NBPF8: variants seen among roughly 807,000 people sequenced by gnomAD.
The protein encoded by NBPF8 is NBPF family member NBPF8.
At chr1:120,451,925 CT>C in intron 12 of NBPF8, among the ~76,000 whole-genome samples, 191 bp from the exon 11 acceptor site, 1 of 151,896 alleles carries the variant, frequency 6.6e-6, no homozygotes, top group East Asian at 1.9e-4. Context: ...TGCAAGAGCT[CT>C]CTGTGATACA....
chr1:120,415,535 G>T (rs1224559067), upstream of NBPF8, among the ~76,000 whole-genome samples: 2 of 152,294 alleles, frequency 1.3e-5, no homozygotes, highest in East Asian at 1.9e-4. Flanking sequence ...GGCATCCCAG[G>T]GGGTGGAGGG....
At chr1:120,418,582 G>A (rs1193201389), upstream of NBPF8, among the ~76,000 whole-genome samples, 5 of 149,488 alleles carry the variant, frequency 3.3e-5, no homozygotes, top group Non-Finnish European at 5.9e-5. Context: ...ACAGTGTCTC[G>A]CTCTGTTGCC....
chr1:120,455,848 T>G (rs1661421599), intron 16 of NBPF8, among the ~76,000 whole-genome samples: 1 of 152,094 alleles, frequency 6.6e-6, no homozygotes, highest in Non-Finnish European at 1.5e-5. Context: ...CTCGTTATTT[T>G]AATTGTGATG....
chr1:120,427,100 G>A (rs1341499669), intron 2 of NBPF8, among the ~76,000 whole-genome samples: 2 of 126,274 alleles, frequency 1.6e-5, no homozygotes, highest in African/African-American at 7.1e-5. Flanking sequence ...ATGTTGTTTT[G>A]TGTGTCAAAA....
At chr1:120,459,705 G>T (rs1456007359) in intron 17 of NBPF8, among the ~76,000 whole-genome samples, 175 bp downstream of exon 15, 3 of 152,010 alleles carry the variant, frequency 2.0e-5, no homozygotes, top group African/African-American at 7.2e-5. Flanking sequence ...CAGGCATGGG[G>T]TGGGTCAGTG....
chr1:120,415,173 G>A (rs1411241366), upstream of NBPF8, among the ~76,000 whole-genome samples: 1 of 152,190 alleles, frequency 6.6e-6, no homozygotes, highest in Non-Finnish European at 1.5e-5. Flanking sequence ...GGGAACGCGG[G>A]ACGGGCGACC....
upstream of NBPF8, among the ~76,000 whole-genome samples, chr1:120,418,932 T>A (rs1660498645): frequency 6.6e-6 from 1 of 151,842 alleles, no homozygotes; most frequent in Admixed American, 6.6e-5. Flanking sequence ...AATATAGTAT[T>A]CATTGTTGTT....
intron 3 of NBPF8, among the ~76,000 whole-genome samples, 67 bp downstream of exon 3, chr1:120,427,914 G>A (rs1245730711): frequency 6.6e-6 from 1 of 151,500 alleles, no homozygotes; most frequent in Admixed American, 6.6e-5. Flanking sequence ...GCAGAGATGG[G>A]TCCTTTATTT....
chr1:120,427,078 T>A (rs1660747305), intron 2 of NBPF8, among the ~76,000 whole-genome samples: 1 of 122,878 alleles, frequency 8.1e-6, no homozygotes, highest in Non-Finnish European at 1.7e-5. Context: ...AAAATGTTTT[T>A]GAGATTCATC....
intron 11 of NBPF8, among the ~76,000 whole-genome samples, chr1:120,449,999 C>T (rs1553248562): frequency 2.5e-4 from 38 of 151,974 alleles, no homozygotes; most frequent in African/African-American, 3.6e-4. Context: ...GAGGCTGAGG[C>T]GGGCAGATCA....
chr1:120,453,067 C>CTG (rs1293779852), intron 13 of NBPF8, among the ~76,000 whole-genome samples: 2 of 147,134 alleles, frequency 1.4e-5, no homozygotes, highest in Non-Finnish European at 3.0e-5. Flanking sequence ...GGAATCAGAT[C>CTG]TGGCAGGATG....
At chr1:120,456,471 A>T (rs1177170964) in intron 16 of NBPF8, among the ~76,000 whole-genome samples, 1 of 125,774 alleles carries the variant, frequency 8.0e-6, no homozygotes. Flanking sequence ...ATATATATTT[A>T]GGATAGTTAA....
At chr1:120,454,055 C>A (rs1553249371) in exon 15 of NBPF8, 26 of 1,613,200 alleles carry the variant, frequency 1.6e-5, no homozygotes, top group Non-Finnish European at 2.1e-5. Flanking sequence ...AAAGTCGACT[C>A]AGCTCTCATT....
upstream of NBPF8, among the ~76,000 whole-genome samples, chr1:120,418,460 G>A (rs1231343333): frequency 0.03 from 4,210 of 139,610 alleles, 257 homozygotes; most frequent in African/African-American, 0.11. Flanking sequence ...TTTATGGATC[G>A]TACCTAAATA....
intron 2 of NBPF8, among the ~76,000 whole-genome samples, chr1:120,426,806 G>A (rs1490637128): frequency 0.1 from 15,825 of 151,942 alleles, 1,125 homozygotes; most frequent in Middle Eastern, 0.19. Flanking sequence ...TGAAATGATG[G>A]GACAGACATA....
upstream of NBPF8, among the ~76,000 whole-genome samples, chr1:120,419,284 G>A (rs1158240383): frequency 2.0e-5 from 3 of 152,152 alleles, no homozygotes; most frequent in Non-Finnish European, 4.4e-5. Flanking sequence ...ATAACCTAGC[G>A]AAAGCTCAGC....
chr1:120,415,440 T>G (rs1345111996), upstream of NBPF8, among the ~76,000 whole-genome samples: 1 of 152,096 alleles, frequency 6.6e-6, no homozygotes, highest in Non-Finnish European at 1.5e-5. Context: ...TTAAGTTCCA[T>G]GCGTTCGATT....
chr1:120,469,383 C>G, downstream of NBPF8, among the ~76,000 whole-genome samples: 1 of 141,436 alleles, frequency 7.1e-6, no homozygotes, highest in Middle Eastern at 3.4e-3. Context: ...ATCTGCTTCA[C>G]TTAGTCTGCC....
At chr1:120,468,731 C>T (rs1295267885), downstream of NBPF8, among the ~76,000 whole-genome samples, 4 of 150,046 alleles carry the variant, frequency 2.7e-5, no homozygotes, top group African/African-American at 5.0e-5. Context: ...GTAGCCAGTG[C>T]TCTAATCCAC....
Sources: gnomAD v4.1 joint callset for allele counts (sites outside exome capture counted in the v4.1 genomes callset) on GRCh38, gnomAD v4.1.1 for gene constraint, MANE v1.5 for transcripts, NCBI Gene and HGNC (gene_info 2026-07-23, HGNC 2026-07-21) for gene names.